MSMO1: variants seen among roughly 807,000 people sequenced by gnomAD.
MSMO1 encodes the protein C-4 methylsterol oxidase.
In MSMO1, 18 loss-of-function variants were observed where a neutral mutation model predicts 30.4. That is an observed-to-expected ratio of 0.59 (90% confidence interval 0.41 to 0.88). MSMO1 has a LOEUF of 0.88. MSMO1 is among the 40% of genes least tolerant of loss of function. MSMO1 has a pLI of 0.00. For synonymous variants in MSMO1, 84 were observed against 107.9 expected (o/e 0.78, Z 1.37); for missense variants, 284 against 340.5 (o/e 0.83, Z 1.31).
intron 3 of MSMO1, 26 bp from the exon 4 acceptor site, chr4:165,338,626 C>A: frequency 6.3e-7 from 1 of 1,588,392 alleles, no homozygotes; most frequent in Non-Finnish European, 8.6e-7. Context: ...TTATTTCTTA[C>A]ACATTACAAC....
chr4:165,330,327 A>G (rs1267348102), intron 1 of MSMO1, among the ~76,000 whole-genome samples: 1 of 152,256 alleles, frequency 6.6e-6, no homozygotes, highest in African/African-American at 2.4e-5. Context: ...AGCAGGTAGC[A>G]TGCTTTGAAC....
At chr4:165,338,041 A>T in intron 3 of MSMO1, 104 bp downstream of exon 3, 1 of 1,107,592 alleles carries the variant, frequency 9.0e-7, no homozygotes, top group Non-Finnish European at 1.3e-6. Flanking sequence ...GTTTGTTCTA[A>T]ACTTTGGAAG....
chr4:165,342,168 T>G lies in MSMO1; in HGVS notation c.*222T>G. 1 of 421,432 alleles carries G rather than the reference T, an allele frequency of 2.4e-6. No homozygotes were observed. The highest frequency in any genetic ancestry group is 4.3e-6 in the Non-Finnish European group (1 of 233,566). 26.1% of individuals were successfully genotyped at this position (421,432 alleles called of 1,614,324 possible). A position where few individuals can be genotyped will look rare whatever the true frequency, so the allele number is the denominator to read the frequency against. ...ATAAATATATATTTAAGTACAGTTT[T>G]CATGAGGAAGTTTTAAAAGACCATG... On this transcript the variant is annotated 3_prime_UTR_variant, in exon 6 of 6. Transcript: ENST00000261507.
intron 4 of MSMO1, among the ~76,000 whole-genome samples, chr4:165,339,209 A>G (rs950004725): frequency 2.0e-5 from 3 of 146,414 alleles, no homozygotes; most frequent in African/African-American, 7.5e-5. Flanking sequence ...GGTTCAAGCA[A>G]TTCTCCTGCC....
chr4:165,341,922 GA>G lies in MSMO1; in HGVS notation c.860del (p.Lys287SerfsTer12). ...ATAATGCCTATAATGAAAAGAGGAA[GA>G]AGTTTGAGAAAAAGACTGAATAAAT... The part of the protein sequence containing the change: ...QYNAYNEKRK[K>X]FEKKTE On this transcript the variant is annotated frameshift_variant, in exon 6 of 6. Transcript: ENST00000261507. LOFTEE classifies it high-confidence loss of function. 6.2e-7 allele frequency: 1 copy of G among 1,612,116 alleles called. No individual in the cohort carries two copies. The highest frequency in any genetic ancestry group is 8.5e-7 in the Non-Finnish European group (1 of 1,178,784).
Position 165,342,496 on chromosome 4 carries a change from T to C in MSMO1, c.*550T>C, listed in dbSNP as rs1579220509. ...CCTCAGCCTCCCAAGTAGCTGGGATTACAGGCACCCGCCACCACGCCCAGC... is the reference window on the plus strand; with the variant it reads ...CCTCAGCCTCCCAAGTAGCTGGGATCACAGGCACCCGCCACCACGCCCAGC... On this transcript the variant is annotated 3_prime_UTR_variant, in exon 6 of 6. Coordinates refer to ENST00000261507, the MANE Select transcript of MSMO1 (RefSeq NM_006745.5). 6.6e-6 allele frequency: 1 copy of C among 152,582 alleles called. No homozygotes were observed. The highest frequency in any genetic ancestry group is 2.4e-5 in the African/African-American group (1 of 41,430). The allele number at this position is 152,582 out of a possible 1,614,324, so 9.5% of individuals were successfully genotyped here.
chr4:165,335,067 G>A (rs28680869), intron 2 of MSMO1, among the ~76,000 whole-genome samples: 90 of 152,216 alleles, frequency 5.9e-4, no homozygotes, highest in African/African-American at 2.0e-3. Context: ...TAAAGTATAC[G>A]AGAGGATTCG....
intron 5 of MSMO1, chr4:165,340,636 A>G (rs1451352800): frequency 4.3e-6 from 2 of 464,670 alleles, no homozygotes; most frequent in Non-Finnish European, 7.7e-6. Context: ...TCCTTCTGTA[A>G]TAAACCTAAA....
intron 1 of MSMO1, among the ~76,000 whole-genome samples, chr4:165,328,817 A>T (rs946342131): frequency 2.0e-5 from 3 of 152,236 alleles, no homozygotes. Context: ...TAACTAAACC[A>T]AGTGTTTCTA....
intron 1 of MSMO1, among the ~76,000 whole-genome samples, chr4:165,333,031 T>C (rs1191181735): frequency 6.6e-6 from 1 of 152,200 alleles, no homozygotes; most frequent in African/African-American, 2.4e-5. Context: ...ACCTTTTCCA[T>C]GAGAACCACA....
chr4:165,337,013 G>A (rs1302840104), intron 2 of MSMO1, among the ~76,000 whole-genome samples: 1 of 151,982 alleles, frequency 6.6e-6, no homozygotes, highest in South Asian at 2.1e-4. Flanking sequence ...GAGTTTTGTT[G>A]GCGGATACCT....
In MSMO1 at chr4:165,343,111, A is replaced by G. The variant is rs2126631243; in HGVS notation, c.*1165A>G. The G allele has an allele frequency of 6.6e-6, 1 of 151,368 alleles. No individual in the cohort carries two copies. Among genetic ancestry groups the G allele is most frequent in the South Asian group, 2.1e-4 (1 of 4,774 alleles). The allele number at this position is 151,368 out of a possible 1,614,324, so 9.4% of individuals were successfully genotyped here. ...TTTTAAACATTAACTGTCACCTTTT[A>G]TTCTTAAACTTGAAAGTACAGAAAT... On this transcript the variant is annotated 3_prime_UTR_variant, in exon 6 of 6. Coordinates refer to ENST00000261507, the MANE Select transcript of MSMO1 (RefSeq NM_006745.5).
chr4:165,327,852 G>A lies in MSMO1; in HGVS notation c.-32+88G>A, dbSNP rs573512607. 261 of 152,730 alleles carry A rather than the reference G, an allele frequency of 1.7e-3. 1 individual carries two copies. The highest frequency in any genetic ancestry group is 2.2e-3 in the Non-Finnish European group (148 of 68,374). 9.5% of individuals were successfully genotyped at this position (152,730 alleles called of 1,614,324 possible). On this transcript the variant is annotated intron_variant, in intron 1 of 5. Transcript: ENST00000261507. ...TGCTCCGTGAGATCGAGGGGAGCGG[G>A]TTCTGGGTGCGGATGCACGCGCTGG... is the stretch of plus-strand genomic sequence containing the variant.
At chr4:165,336,998 TAA>T (rs1316295062) in intron 2 of MSMO1, among the ~76,000 whole-genome samples, 2 of 152,298 alleles carry the variant, frequency 1.3e-5, no homozygotes, top group South Asian at 2.1e-4. Flanking sequence ...GTGGTTCAAT[TAA>T]AAGAGTTTTG....
rs1400229901 is a variant in MSMO1, at chr4:165,338,794, A to T, written c.531+16A>T. 1 of 1,569,586 alleles carries T rather than the reference A, an allele frequency of 6.4e-7. No homozygotes were observed. Among genetic ancestry groups the T allele is most frequent in the Non-Finnish European group, 8.7e-7 (1 of 1,142,950 alleles). ...TGAGTTTCAGGTATGTGAGAGTTAT[A>T]TTTAATTCTTTCTGTTAGAGGCAAA... On this transcript the variant is annotated intron_variant, in intron 4 of 5. Transcript: ENST00000261507.
intron 2 of MSMO1, among the ~76,000 whole-genome samples, chr4:165,336,912 G>A (rs912472962): frequency 3.9e-5 from 6 of 152,296 alleles, no homozygotes; most frequent in Admixed American, 2.6e-4. Context: ...TAATAACTGC[G>A]TGTGTGACCC....
rs976243197 is a variant in MSMO1, at chr4:165,332,238, G to A, written c.-31-1102G>A. ...ACATATCCTTTTCAAAAAATCTTAAGTGGGGCTCTTGCTATGCATACTGTT... is the reference window on the plus strand; with the variant it reads ...ACATATCCTTTTCAAAAAATCTTAAATGGGGCTCTTGCTATGCATACTGTT... On this transcript the variant is annotated intron_variant, in intron 1 of 5. Coordinates refer to ENST00000261507, the MANE Select transcript of MSMO1 (RefSeq NM_006745.5). Among the ~76,000 whole-genome samples, 7 of 152,278 alleles carry A rather than the reference G, an allele frequency of 4.6e-5. 1 individual carries two copies. The highest frequency in any genetic ancestry group is 1.3e-4 in the Admixed American group (2 of 15,294).
intron 1 of MSMO1, 88 bp downstream of exon 1, chr4:165,327,852 G>C (rs573512607): frequency 1.3e-5 from 2 of 152,730 alleles, no homozygotes; most frequent in Admixed American, 6.5e-5. Flanking sequence ...AGGGGAGCGG[G>C]TTCTGGGTGC....
At chr4:165,337,386 G>A (rs748426986) in intron 2 of MSMO1, among the ~76,000 whole-genome samples, 1 of 152,152 alleles carries the variant, frequency 6.6e-6, no homozygotes, top group East Asian at 1.9e-4. Context: ...TGGAAGCATC[G>A]ACTTACTGTG....
Sources: allele counts gnomAD v4.1 joint callset (sites outside exome capture counted in the v4.1 genomes callset), GRCh38; gene constraint gnomAD v4.1.1; transcripts MANE v1.5; gene names NCBI Gene and HGNC (gene_info 2026-07-23, HGNC 2026-07-21).